ZNF503: variants seen among roughly 807,000 people sequenced by gnomAD.
The protein encoded by ZNF503 is zinc finger protein 503.
A neutral mutation model predicts 34.4 loss-of-function variants in ZNF503; 15 were observed. That is an observed-to-expected ratio of 0.44 (90% CI 0.29 to 0.67). The LOEUF is 0.67. ZNF503 is among the 30% of genes least tolerant of loss of function. The pLI is 0.13. For synonymous variants in ZNF503, 580 were observed against 456.8 expected (o/e 1.27, Z -3.44); for missense variants, 1,007 against 926.8 (o/e 1.09, Z -1.12).
the ZNF503 span, among the ~76,000 whole-genome samples, chr10:75,309,596 GT>G: frequency 0.019 from 2,965 of 152,210 alleles, 110 homozygotes; most frequent in African/African-American, 0.067. Context: ...TATGTACATT[GT>G]TTTTAAGACA....
At chr10:75,305,279 C>G in the ZNF503 span, among the ~76,000 whole-genome samples, 52 of 152,090 alleles carry the variant, frequency 3.4e-4, no homozygotes, top group East Asian at 9.8e-3. Context: ...TTTGATAAAT[C>G]AACCAAATTC....
the ZNF503 span, among the ~76,000 whole-genome samples, chr10:75,356,478 G>A: frequency 5.3e-5 from 8 of 152,222 alleles, no homozygotes; most frequent in African/African-American, 1.2e-4. Flanking sequence ...GCCTCCCAAA[G>A]TGCTGGGATT....
the ZNF503 span, among the ~76,000 whole-genome samples, chr10:75,325,862 CTTTTTT>C: frequency 6.8e-6 from 1 of 145,996 alleles, no homozygotes; most frequent in Non-Finnish European, 1.5e-5. Context: ...AATGGTATTG[CTTTTTT>C]TTTTTTTTGA....
chr10:75,333,629 G>A, the ZNF503 span, among the ~76,000 whole-genome samples: 7 of 64,744 alleles, frequency 1.1e-4, no homozygotes, highest in East Asian at 4.2e-4. Flanking sequence ...CTGGCCAGGC[G>A]GGGGGCTGAC....
At position 75,400,213 on chromosome 10, in the gene ZNF503, C is replaced by T. The variant is rs1270409715; in HGVS notation, c.477G>A (p.Ser159=). ...GGAAGDKDTK[S]GPLKLSDIGV... The stretch of plus-strand genomic sequence containing the variant: ...CGATGTCGCTCAGCTTCAGGGGGCC[C>T]GATTTGGTGTCCTTGTCGCCCGCAG... The change falls in exon 2 of 2, where the codon TCG becomes TCA. Residue 159 remains serine (S), a synonymous_variant. Transcript: ENST00000372524. 1 of 1,605,324 alleles carries T rather than the reference C, an allele frequency of 6.2e-7. No individual in the cohort carries two copies. Among genetic ancestry groups the T allele is most frequent in the Admixed American group, 1.7e-5 (1 of 58,178 alleles).
the ZNF503 span, among the ~76,000 whole-genome samples, chr10:75,320,472 C>G: frequency 4.6e-5 from 7 of 151,380 alleles, no homozygotes; most frequent in Admixed American, 4.0e-4. Flanking sequence ...CAGAGTGAGA[C>G]CCTGTCTCAA....
chr10:75,382,506 C>G, the ZNF503 span: 1 of 728,242 alleles, frequency 1.4e-6, no homozygotes. Context: ...GCAACCTCTT[C>G]TTTTTCCTTA....
At chr10:75,352,342 C>T in the ZNF503 span, among the ~76,000 whole-genome samples, 2 of 152,134 alleles carry the variant, frequency 1.3e-5, no homozygotes, top group African/African-American at 4.8e-5. Context: ...GTTCCTAACC[C>T]TGGCCTCTAG....
chr10:75,340,887 C>G, the ZNF503 span, among the ~76,000 whole-genome samples: 1 of 152,224 alleles, frequency 6.6e-6, no homozygotes, highest in Non-Finnish European at 1.5e-5. Context: ...AGGCATGAGC[C>G]TCCATACTCC....
chr10:75,396,142 C>A (rs1215419589), downstream of ZNF503, among the ~76,000 whole-genome samples: 1 of 152,100 alleles, frequency 6.6e-6, no homozygotes, highest in African/African-American at 2.4e-5. The surrounding 1 kb of genome is among the most constrained non-coding windows in gnomAD (Gnocchi z 4.4). Context: ...GCCCTCCCAC[C>A]TGCAGGGCGG....
the ZNF503 span, among the ~76,000 whole-genome samples, chr10:75,300,636 T>C: frequency 6.6e-6 from 1 of 152,098 alleles, no homozygotes; most frequent in Non-Finnish European, 1.5e-5. Context: ...CTGCCATGGC[T>C]TCAGCCAGTC....
the ZNF503 span, chr10:75,382,805 G>A: frequency 3.3e-6 from 1 of 305,702 alleles, no homozygotes; most frequent in African/African-American, 2.3e-5. Context: ...CCAAATCCTT[G>A]CAGAATTCAG....
At chr10:75,285,906 TG>T in the ZNF503 span, among the ~76,000 whole-genome samples, 3 of 152,140 alleles carry the variant, frequency 2.0e-5, no homozygotes, top group Admixed American at 2.0e-4. Flanking sequence ...GCTTTGCGGC[TG>T]AGGGAGCGGG....
rs765125199 is a variant in ZNF503 at position 75,401,238 on chromosome 10, G to A, written c.182C>T (p.Pro61Leu). The A allele has an allele frequency of 1.4e-5, 23 of 1,607,510 alleles. No individual in the cohort carries two copies. The highest frequency in any genetic ancestry group is 1.7e-4 in the Middle Eastern group (1 of 6,058). The change falls in exon 1 of 2, where the codon CCC becomes CTC. Residue 61 changes from proline to leucine, a missense_variant. Pro to Leu is a moderately conservative substitution (Grantham distance 98, BLOSUM62 -3). Coordinates refer to ENST00000372524, the MANE Select transcript of ZNF503 (RefSeq NM_032772.6). The stretch of plus-strand genomic sequence containing the variant: ...GGCCTGGCGCAGGGGGTCAGAGGGG[G>A]GCACGGCGTGCACAAAAGGCTTGGT... ...GSTKPFVHAV[P>L]PSDPLRQANR...
At chr10:75,304,790 A>G in the ZNF503 span, among the ~76,000 whole-genome samples, 1 of 152,230 alleles carries the variant, frequency 6.6e-6, no homozygotes, top group South Asian at 2.1e-4. Context: ...GAAAAAAATC[A>G]CAAATATCCA....
chr10:75,293,127 G>A, the ZNF503 span, among the ~76,000 whole-genome samples: 6 of 152,168 alleles, frequency 3.9e-5, no homozygotes, highest in South Asian at 1.2e-3. Flanking sequence ...CCTTTAGCTG[G>A]CCTGTAGGGG....
the ZNF503 span, among the ~76,000 whole-genome samples, chr10:75,352,032 C>T: frequency 1.4e-4 from 21 of 146,038 alleles, no homozygotes; most frequent in South Asian, 1.9e-3. Flanking sequence ...TTCCCTCTCT[C>T]GCCATTGCTC....
chr10:75,311,207 G>A, the ZNF503 span, among the ~76,000 whole-genome samples: 1 of 152,212 alleles, frequency 6.6e-6, no homozygotes, highest in Non-Finnish European at 1.5e-5. Context: ...GGAGAAAGAT[G>A]TAGGCCAGAA....
the ZNF503 span, among the ~76,000 whole-genome samples, chr10:75,380,276 G>A: frequency 0.012 from 1,807 of 152,246 alleles, 12 homozygotes; most frequent in Non-Finnish European, 0.02. Flanking sequence ...TCCAGGTCCC[G>A]TTCTCCCCAG....
Sources: gnomAD v4.1 joint callset for allele counts (sites outside exome capture counted in the v4.1 genomes callset) on GRCh38, gnomAD v4.1.1 for gene constraint, Gnocchi (gnomAD v3.1) non-coding constraint, MANE v1.5 for transcripts, NCBI Gene and HGNC (gene_info 2026-07-23, HGNC 2026-07-21) for gene names.